AAK1: variants seen among roughly 807,000 people sequenced by gnomAD.
AAK1 encodes the protein AP2-associated protein kinase 1.
Under a neutral mutation model 116.0 loss-of-function variants are expected in AAK1, and 37 were observed. The observed-to-expected ratio is 0.32, with a 90% CI of 0.25 to 0.42. The LOEUF (loss-of-function observed/expected upper bound fraction) is 0.42, where lower values mean the gene tolerates loss of function less well. AAK1 is among the 10% of genes least tolerant of loss of function. The probability of loss-of-function intolerance (pLI) is 1.00; values close to 1 mark genes in which losing one functional copy is unlikely to be tolerated. For synonymous variants in AAK1, 458 were observed against 439.9 expected (o/e 1.04, Z -0.51); for missense variants, 919 against 1,170.6 (o/e 0.79, Z 3.14).
intron 2 of AAK1, among the ~76,000 whole-genome samples, chr2:69,581,966 A>G (rs1672565701): frequency 6.6e-6 from 1 of 151,930 alleles, no homozygotes; most frequent in South Asian, 2.1e-4. Context: ...TGGGTGACAG[A>G]GTGCCCTGTC....
At position 69,466,225 on chromosome 2, in the gene AAK1, G is replaced by A; in HGVS notation, c.*9644C>T. ...TTTGCTTGCTCAGGAGAGACTTCTGGTGGAGCGAATGGAACGGCTCCTCCC... is the reference window on the plus strand; with the variant it reads ...TTTGCTTGCTCAGGAGAGACTTCTGATGGAGCGAATGGAACGGCTCCTCCC... On this transcript the variant is annotated 3_prime_UTR_variant, in exon 22 of 22. Transcript: ENST00000409085. 1 of 1,289,760 alleles carries A rather than the reference G, an allele frequency of 7.8e-7. No individual in the cohort carries two copies. Among genetic ancestry groups the A allele is most frequent in the Middle Eastern group, 2.1e-4 (1 of 4,696 alleles). 79.9% of individuals were successfully genotyped at this position (1,289,760 alleles called of 1,614,324 possible).
At chr2:69,612,797 G>A (rs1674147135) in intron 2 of AAK1, among the ~76,000 whole-genome samples, 1 of 152,156 alleles carries the variant, frequency 6.6e-6, no homozygotes, top group Non-Finnish European at 1.5e-5. Flanking sequence ...GCAAGTCAAT[G>A]ACAATCTCCC....
rs61734090 is a variant in AAK1, at chr2:69,496,028, G to A, written c.2322C>T (p.Ser774=). The change falls in exon 17 of 22, where the codon AGC becomes AGT. Residue 774 remains serine, a synonymous_variant. Coordinates refer to ENST00000409085, the MANE Select transcript of AAK1 (RefSeq NM_014911.5). ...GAAGAGGAATGAAAGGATCAGACAC[G>A]CTTAGAAGCGGGAGGCCAGAGTCCA... is the stretch of plus-strand genomic sequence containing the variant. The part of the protein sequence containing the change: ...QTVDSGLPLL[S]VSDPFIPLQV... 1.3e-3 allele frequency: 2,085 copies of A among 1,554,886 alleles called. 22 individuals carry two copies. In the African/African-American group the frequency reaches 0.025, roughly 18 times the overall value.
chr2:69,469,262 C>T lies in AAK1; in HGVS notation c.*6607G>A. 1.0e-6 allele frequency: 1 copy of T among 985,368 alleles called. No homozygotes were observed. The highest frequency in any genetic ancestry group is 1.2e-6 in the Non-Finnish European group (1 of 829,932). 61.0% of individuals were successfully genotyped at this position (985,368 alleles called of 1,614,324 possible). On this transcript the variant is annotated 3_prime_UTR_variant, in exon 22 of 22. Coordinates refer to ENST00000409085, the MANE Select transcript of AAK1 (RefSeq NM_014911.5). ...AAATGCCAGAGAATATGGGGGAAGC[C>T]CAGACCTCCACATTCCCTTAAGGAA...
chr2:69,525,712 T>A (rs1000816842), intron 9 of AAK1, among the ~76,000 whole-genome samples: 1 of 152,184 alleles, frequency 6.6e-6, no homozygotes, highest in Non-Finnish European at 1.5e-5. Context: ...TAATGCCTCA[T>A]GAGGGAGCAC....
chr2:69,480,125 T>C (rs1170963113), intron 19 of AAK1, among the ~76,000 whole-genome samples: 1 of 152,072 alleles, frequency 6.6e-6, no homozygotes, highest in Non-Finnish European at 1.5e-5. Flanking sequence ...CAAATGAGGA[T>C]AAGGAAAATA....
chr2:69,521,017 T>C (rs1173573109), intron 10 of AAK1, 29 bp from the exon 11 acceptor site: 1 of 1,612,908 alleles, frequency 6.2e-7, no homozygotes. Context: ...AAGGTTCATA[T>C]TAAAGTATGG....
rs1331634792 is a variant in AAK1 at position 69,458,905 on chromosome 2, C to A, written c.*16964G>T. ...CCTTGCCGAAAGGAATCAAACGGAT[C>A]CCTTTAACATGTACATATAGTTCCA... On this transcript the variant is annotated 3_prime_UTR_variant, in exon 22 of 22. Transcript: ENST00000409085. 1.3e-5 allele frequency: 2 copies of A among 152,534 alleles called. No homozygotes were observed. The highest frequency in any genetic ancestry group is 4.8e-5 in the African/African-American group (2 of 41,446). The allele number at this position is 152,534 out of a possible 1,614,324, so 9.4% of individuals were successfully genotyped here.
intron 17 of AAK1, among the ~76,000 whole-genome samples, chr2:69,483,409 T>A (rs1048451593): frequency 2.6e-5 from 4 of 152,252 alleles, no homozygotes; most frequent in Non-Finnish European, 5.9e-5. Flanking sequence ...ATCAATAGTT[T>A]GCTCTGTTTT....
At chr2:69,480,470 C>G (rs1037061293) in intron 19 of AAK1, among the ~76,000 whole-genome samples, 1 of 152,042 alleles carries the variant, frequency 6.6e-6, no homozygotes, top group African/African-American at 2.4e-5. Flanking sequence ...ATGAGCTCCA[C>G]GGACATCACT....
At chr2:69,491,241 C>CA (rs1675510544) in intron 17 of AAK1, among the ~76,000 whole-genome samples, 1 of 152,098 alleles carries the variant, frequency 6.6e-6, no homozygotes, top group Non-Finnish European at 1.5e-5. Flanking sequence ...CTGGCCCAGC[C>CA]TCTTTTCTAC....
chr2:69,531,022 G>C (rs866056272), intron 6 of AAK1, among the ~76,000 whole-genome samples: 1 of 152,090 alleles, frequency 6.6e-6, no homozygotes, highest in African/African-American at 2.4e-5. Context: ...TTCTTATACT[G>C]ATACTATATT....
intron 6 of AAK1, among the ~76,000 whole-genome samples, chr2:69,530,929 TGTG>T (rs932645101): frequency 6.6e-6 from 1 of 152,172 alleles, no homozygotes; most frequent in Non-Finnish European, 1.5e-5. Context: ...TCTAAGAACA[TGTG>T]GGGACTCAGA....
intron 2 of AAK1, among the ~76,000 whole-genome samples, chr2:69,586,623 C>G (rs1428908957): frequency 1.3e-5 from 2 of 152,174 alleles, no homozygotes; most frequent in Non-Finnish European, 2.9e-5. Context: ...TCGGTAACTA[C>G]TGAATGAAGG....
chr2:69,482,448 A>C (rs1248577178), intron 18 of AAK1: 1 of 606,584 alleles, frequency 1.6e-6, no homozygotes, highest in Non-Finnish European at 3.0e-6. Context: ...CTTCTAACTA[A>C]ATGTGAAACT....
intron 2 of AAK1, among the ~76,000 whole-genome samples, chr2:69,589,154 A>C (rs188035381): frequency 2.6e-5 from 4 of 152,330 alleles, no homozygotes; most frequent in Admixed American, 2.6e-4. Flanking sequence ...GGCCGACTGG[A>C]GAGGAGTTGC....
chr2:69,553,272 C>G (rs10182693), intron 3 of AAK1, among the ~76,000 whole-genome samples: 6,599 of 152,014 alleles, frequency 0.043, 499 homozygotes, highest in African/African-American at 0.15. Context: ...TCCCAACGGA[C>G]TAGGCATTAG....
intron 2 of AAK1, among the ~76,000 whole-genome samples, chr2:69,623,657 A>G (rs1674767681): frequency 6.6e-6 from 1 of 152,144 alleles, no homozygotes; most frequent in African/African-American, 2.4e-5. Flanking sequence ...CTACAAGAAA[A>G]AAATGTATTT....
rs544913840 is a variant in AAK1, at chr2:69,518,278, A to G, written c.1497+676T>C. Among the ~76,000 whole-genome samples, 244 of 152,294 alleles carry G rather than the reference A, an allele frequency of 1.6e-3. 1 individual carries two copies. In the South Asian group the frequency reaches 0.021, roughly 13 times the overall value. On this transcript the variant is annotated intron_variant, in intron 12 of 21. Coordinates refer to ENST00000409085, the MANE Select transcript of AAK1 (RefSeq NM_014911.5). The stretch of plus-strand genomic sequence containing the variant: ...TCAAACAAGCCAACTTAATTATGAG[A>G]TATCAGAAACAGTTAAACACTAATG...
Sources: gnomAD v4.1 joint callset for allele counts (sites outside exome capture counted in the v4.1 genomes callset) on GRCh38, gnomAD v4.1.1 for gene constraint, MANE v1.5 for transcripts, NCBI Gene and HGNC (gene_info 2026-07-23, HGNC 2026-07-21) for gene names.